DUSP22: variants seen among roughly 807,000 people sequenced by gnomAD.
DUSP22 encodes the protein dual specificity phosphatase 22.
DUSP22 carries 24 observed loss-of-function variants against 24.5 expected under a neutral mutation model. The observed-to-expected ratio is 0.98, with a 90% CI of 0.71 to 1.38. The LOEUF (loss-of-function observed/expected upper bound fraction) is 1.38. Among genes scored for constraint, DUSP22 ranks in the 40% most tolerant of loss-of-function variants. The probability of loss-of-function intolerance (pLI) is 0.00; values close to 1 mark genes in which losing one functional copy is unlikely to be tolerated. For missense variants in DUSP22, 330 were observed against 269.2 expected, an observed-to-expected ratio of 1.23 and a Z score of -1.58; for synonymous variants, 160 against 106.4, an observed-to-expected ratio of 1.50 and a Z score of -3.10.
intron 3 of DUSP22, among the ~76,000 whole-genome samples, chr6:312,343 A>C (rs1339579599): frequency 6.6e-6 from 1 of 152,294 alleles, no homozygotes; most frequent in Non-Finnish European, 1.5e-5. Context: ...TGTCCCATTT[A>C]AACTCAAATA....
chr6:327,984 ACAGAG>A (rs1561668254), intron 3 of DUSP22, among the ~76,000 whole-genome samples: 1 of 152,304 alleles, frequency 6.6e-6, no homozygotes, highest in African/African-American at 2.4e-5. Flanking sequence ...TACTTTGCAG[ACAGAG>A]AGGAGCCACT....
In DUSP22 at chr6:349,559, G is replaced by A; in HGVS notation, c.*608G>A. 5.1e-6 allele frequency: 5 copies of A among 989,574 alleles called. No individual in the cohort carries two copies. The highest frequency in any genetic ancestry group is 6.0e-6 in the Non-Finnish European group (5 of 833,046). The allele number at this position is 989,574 out of a possible 1,614,324, so 61.3% of individuals were successfully genotyped here. A position where few individuals can be genotyped will look rare whatever the true frequency, so the allele number is the denominator to read the frequency against. On this transcript the variant is annotated 3_prime_UTR_variant, in exon 7 of 7. Coordinates refer to ENST00000419235, the MANE Select transcript of DUSP22 (RefSeq NM_001286555.3). ...CATGGCCTCTCCCAGAACCCACCCA[G>A]GGTGGTGTGGTGGGGGCAACAGGGG...
At chr6:302,859 A>T (rs1404352617) in intron 1 of DUSP22, among the ~76,000 whole-genome samples, 4 of 152,296 alleles carry the variant, frequency 2.6e-5, no homozygotes, top group African/African-American at 9.6e-5. Flanking sequence ...TGGAAAGCCA[A>T]GGGCAGGGTG....
At chr6:312,383 A>C (rs1258260714) in intron 3 of DUSP22, among the ~76,000 whole-genome samples, 2 of 152,266 alleles carry the variant, frequency 1.3e-5, no homozygotes, top group Admixed American at 1.3e-4. Flanking sequence ...GGTCACAGAA[A>C]ACAGAAGGTG....
chr6:303,053 G>A (rs1045524457), intron 1 of DUSP22, among the ~76,000 whole-genome samples: 5 of 152,420 alleles, frequency 3.3e-5, no homozygotes, highest in South Asian at 4.1e-4. Context: ...TGGTCAAGGA[G>A]GGGTCATTGC....
chr6:302,838 A>G (rs1329662915), intron 1 of DUSP22, among the ~76,000 whole-genome samples: 3 of 152,300 alleles, frequency 2.0e-5, no homozygotes, highest in Admixed American at 6.5e-5. Flanking sequence ...TATGGCAGGA[A>G]CAAGGGTGGA....
chr6:323,429 A>G (rs1041827846), intron 3 of DUSP22, among the ~76,000 whole-genome samples: 8 of 152,286 alleles, frequency 5.3e-5, no homozygotes, highest in Admixed American at 3.9e-4. Flanking sequence ...AATGAAATGC[A>G]TGGTGAAAGT....
At chr6:311,765 T>G (rs904203077) in intron 2 of DUSP22, 115 bp from the exon 3 acceptor site, 128 of 1,169,812 alleles carry the variant, frequency 1.1e-4, no homozygotes, top group Admixed American at 2.0e-4. Context: ...GTTATGAAGT[T>G]TCAGGAAAGA....
intron 1 of DUSP22, among the ~76,000 whole-genome samples, chr6:304,188 G>T (rs535165872): frequency 2.0e-5 from 3 of 152,300 alleles, no homozygotes; most frequent in African/African-American, 7.2e-5. Context: ...TCACTGAGCC[G>T]GGGGCCAACC....
In DUSP22 at chr6:351,071, T is replaced by C. The variant is rs1236764123; in HGVS notation, c.*2120T>C. On this transcript the variant is annotated 3_prime_UTR_variant, in exon 7 of 7. Coordinates refer to ENST00000419235, the MANE Select transcript of DUSP22 (RefSeq NM_001286555.3). ...GAAAATATTTTCCCCTTATCCCCAC[T>C]GCTGTGGAGGTTTCTGTACCTCGCT... is the stretch of plus-strand genomic sequence containing the variant. The C allele has an allele frequency of 3.7e-6, 3 of 810,884 alleles. No individual in the cohort carries two copies. In the African/African-American group the frequency reaches 5.2e-5, roughly 14 times the overall value. 50.2% of individuals were successfully genotyped at this position (810,884 alleles called of 1,614,324 possible). A position where few individuals can be genotyped will look rare whatever the true frequency, so the allele number is the denominator to read the frequency against.
intron 3 of DUSP22, among the ~76,000 whole-genome samples, chr6:326,790 G>A (rs1382817731): frequency 6.6e-6 from 1 of 152,310 alleles, no homozygotes; most frequent in East Asian, 1.9e-4. Flanking sequence ...GTCCCTCTCT[G>A]CATCAGAGCA....
intron 1 of DUSP22, among the ~76,000 whole-genome samples, chr6:304,329 A>C (rs1381532268): frequency 6.6e-6 from 1 of 152,296 alleles, no homozygotes. Context: ...CTGTGGGGCC[A>C]GGGTGGGCAG....
chr6:337,164 A>G (rs1291964199), intron 4 of DUSP22: 6 of 152,614 alleles, frequency 3.9e-5, no homozygotes. Context: ...TTAAGCGTGG[A>G]GTGACCCCTT....
At chr6:348,685 G>C in intron 6 of DUSP22, 84 bp from the exon 7 acceptor site, 1 of 1,579,458 alleles carries the variant, frequency 6.3e-7, no homozygotes. Flanking sequence ...CACCATCTCT[G>C]TGGTGAAGTC....
At chr6:332,421 C>G (rs988736054) in intron 3 of DUSP22, among the ~76,000 whole-genome samples, 2 of 152,308 alleles carry the variant, frequency 1.3e-5, no homozygotes, top group African/African-American at 4.8e-5. Flanking sequence ...ATAGCCTTTG[C>G]CGTCTTCCTG....
chr6:317,921 CT>C lies in DUSP22; in HGVS notation c.138+5961del, dbSNP rs1333790251. On this transcript the variant is annotated intron_variant, in intron 3 of 6. Transcript: ENST00000419235. Reference sequence around the variant, plus strand: ...TCATGTCTCATCACGTCTTTGGCCCCTTGTGGCTCATTAGGATGTGAAAGTA... The same window carrying C: ...TCATGTCTCATCACGTCTTTGGCCCCTGTGGCTCATTAGGATGTGAAAGTA... Among the ~76,000 whole-genome samples, 6 of 152,426 alleles carry C rather than the reference CT, an allele frequency of 3.9e-5. No individual in the cohort carries two copies. In the East Asian group the frequency reaches 9.6e-4, roughly 24 times the overall value.
At chr6:311,243 C>A (rs1341916906) in intron 2 of DUSP22, among the ~76,000 whole-genome samples, 4 of 152,300 alleles carry the variant, frequency 2.6e-5, no homozygotes, top group Admixed American at 2.0e-4. Context: ...TTCAAGGTAA[C>A]CATTTAGCTC....
chr6:335,234 G>C (rs1452692338), intron 4 of DUSP22, 71 bp downstream of exon 4: 1 of 1,573,242 alleles, frequency 6.4e-7, no homozygotes, highest in Non-Finnish European at 8.7e-7. Context: ...AGTCAGAGAA[G>C]TAGAAGACTG....
Position 349,275 on chromosome 6 carries a change from G to T in DUSP22, c.*324G>T. 1 of 1,304,984 alleles carries T rather than the reference G, an allele frequency of 7.7e-7. No individual in the cohort carries two copies. Among genetic ancestry groups the T allele is most frequent in the Non-Finnish European group, 9.8e-7 (1 of 1,020,326 alleles). 80.8% of individuals were successfully genotyped at this position (1,304,984 alleles called of 1,614,324 possible). On this transcript the variant is annotated 3_prime_UTR_variant, in exon 7 of 7. Transcript: ENST00000419235. ...CATGTGTGTGCCTGTGTGAGTGAGG[G>T]TATGTGCACCTAAGTGTGTACATGT...
Sources: allele counts gnomAD v4.1 joint callset (sites outside exome capture counted in the v4.1 genomes callset), GRCh38; gene constraint gnomAD v4.1.1; transcripts MANE v1.5; gene names NCBI Gene and HGNC (gene_info 2026-07-23, HGNC 2026-07-21).